EXOC6: variants seen among roughly 807,000 people sequenced by gnomAD.
EXOC6 encodes the protein SEC15-like 1.
EXOC6 carries 60 observed loss-of-function variants against 112.5 expected under a neutral mutation model. The ratio of observed to expected loss-of-function variants is 0.53; its 90% CI spans 0.43 to 0.66. EXOC6 has a LOEUF of 0.66. Ranked by LOEUF, EXOC6 falls within the 30% of genes least tolerant of loss-of-function variation. EXOC6 has a pLI of 0.00. For synonymous variants in EXOC6, 295 were observed against 308.0 expected, an observed-to-expected ratio of 0.96 and a Z score of 0.44; for missense variants, 855 against 957.1, an observed-to-expected ratio of 0.89 and a Z score of 1.41.
At chr10:92,843,813 C>T (rs1004927671), upstream of EXOC6, among the ~76,000 whole-genome samples, 2 of 151,716 alleles carry the variant, frequency 1.3e-5, no homozygotes, top group Admixed American at 1.3e-4. Context: ...GATGGTGAAA[C>T]CCTGTCTCTA....
At chr10:92,833,872 C>T (rs540661595), upstream of EXOC6, among the ~76,000 whole-genome samples, 1 of 151,880 alleles carries the variant, frequency 6.6e-6, no homozygotes, top group African/African-American at 2.4e-5. Context: ...TTGTAGGGCA[C>T]ATTTTCCTTT....
chr10:93,006,745 G>A (rs1247520244), intron 19 of EXOC6, among the ~76,000 whole-genome samples: 1 of 152,114 alleles, frequency 6.6e-6, no homozygotes, highest in Non-Finnish European at 1.5e-5. Context: ...GTTCTTACTA[G>A]CTACTTTAAT....
intron 20 of EXOC6, among the ~76,000 whole-genome samples, chr10:93,025,299 G>A (rs1236197526): frequency 6.6e-6 from 1 of 152,068 alleles, no homozygotes; most frequent in Non-Finnish European, 1.5e-5. Flanking sequence ...TGTGCTTTGG[G>A]GCTGTTAAGA....
chr10:92,931,296 G>A (rs974747238), intron 9 of EXOC6, among the ~76,000 whole-genome samples: 3 of 151,086 alleles, frequency 2.0e-5, no homozygotes, highest in African/African-American at 7.3e-5. Context: ...TTTTTTTAGT[G>A]TAGTACTGAG....
chr10:93,052,160 ACCTGG>A (rs1175564432), intron 20 of EXOC6, among the ~76,000 whole-genome samples: 20 of 152,360 alleles, frequency 1.3e-4, no homozygotes, highest in South Asian at 6.2e-4. Flanking sequence ...GGAAAAAATG[ACCTGG>A]CACTGTGGGT....
chr10:92,994,330 T>G (rs1221730347), intron 18 of EXOC6, among the ~76,000 whole-genome samples: 1 of 152,188 alleles, frequency 6.6e-6, no homozygotes, highest in Admixed American at 6.5e-5. Context: ...GAAGAAAAGC[T>G]TTTCGGTAAT....
chr10:92,963,166 A>G (rs915778085), intron 17 of EXOC6, among the ~76,000 whole-genome samples: 3 of 152,220 alleles, frequency 2.0e-5, no homozygotes, highest in African/African-American at 7.2e-5. Flanking sequence ...GTTAATAAGG[A>G]TGCTTATTTT....
chr10:92,938,820 A>G (rs1390940800), intron 12 of EXOC6, among the ~76,000 whole-genome samples: 1 of 152,148 alleles, frequency 6.6e-6, no homozygotes, highest in Non-Finnish European at 1.5e-5. Context: ...TAATGCAGCA[A>G]GCAATATGTT....
intron 18 of EXOC6, among the ~76,000 whole-genome samples, chr10:92,983,214 T>C (rs1174925555): frequency 6.6e-6 from 1 of 152,228 alleles, no homozygotes; most frequent in Non-Finnish European, 1.5e-5. Context: ...TCTGTTTTGC[T>C]TTCATTCCAG....
chr10:92,925,972 A>C (rs1851692263), intron 8 of EXOC6, among the ~76,000 whole-genome samples: 1 of 151,858 alleles, frequency 6.6e-6, no homozygotes, highest in South Asian at 2.1e-4. Context: ...CTTGAGAGAC[A>C]CTTAGTACAA....
intron 1 of EXOC6, among the ~76,000 whole-genome samples, chr10:92,863,402 A>G (rs1166506531): frequency 2.6e-5 from 4 of 152,162 alleles, no homozygotes; most frequent in Non-Finnish European, 5.9e-5. Flanking sequence ...CTTGCATTTC[A>G]TTTTTTGTAA....
intron 5 of EXOC6, among the ~76,000 whole-genome samples, chr10:92,904,765 A>T (rs1400704577): frequency 6.6e-6 from 1 of 151,950 alleles, no homozygotes; most frequent in East Asian, 1.9e-4. Context: ...GTTTTTAAAG[A>T]GTAGGAAGTT....
In EXOC6 at chr10:92,988,839, A is replaced by ACACACACG. The variant is rs939938926; in HGVS notation, c.1954-8634_1954-8633insACACACGC. Among the ~76,000 whole-genome samples the ACACACACG allele has an allele frequency of 1.0e-3, 147 of 145,434 alleles. 1 individual carries two copies. Among genetic ancestry groups the ACACACACG allele is most frequent in the Middle Eastern group, 3.5e-3 (1 of 282 alleles). ...CACACACACACACACACACACACAC[A>ACACACACG]CGCATTTCTGACCATTACTAAACAT... On this transcript the variant is annotated intron_variant, in intron 18 of 21. Transcript: ENST00000260762.
chr10:92,936,169 G>A (rs1324358892), intron 12 of EXOC6, among the ~76,000 whole-genome samples: 1 of 152,124 alleles, frequency 6.6e-6, no homozygotes. Context: ...AGAGTATAAT[G>A]GAAGGAACCG....
chr10:93,022,755 C>T (rs1247156295), intron 20 of EXOC6, among the ~76,000 whole-genome samples: 1 of 151,636 alleles, frequency 6.6e-6, no homozygotes, highest in Non-Finnish European at 1.5e-5. Flanking sequence ...TAAAACTGGT[C>T]TTGAAAAGTG....
intron 19 of EXOC6, among the ~76,000 whole-genome samples, chr10:93,005,346 A>G (rs1843929378): frequency 6.6e-6 from 1 of 152,174 alleles, no homozygotes; most frequent in Non-Finnish European, 1.5e-5. Flanking sequence ...CTTTGATCTT[A>G]GTATAAATTT....
At chr10:93,042,933 T>G (rs201982048) in intron 20 of EXOC6, among the ~76,000 whole-genome samples, 1 of 54,332 alleles carries the variant, frequency 1.8e-5, no homozygotes, top group Non-Finnish European at 3.0e-5. Flanking sequence ...TTACTATTAT[T>G]ATTATTATTA....
chr10:92,901,408 C>G (rs1245662439), intron 5 of EXOC6: 1 of 151,874 alleles, frequency 6.6e-6, no homozygotes, highest in East Asian at 1.9e-4. Context: ...TATTCCCCAC[C>G]ACCACCTTTT....
intron 20 of EXOC6, among the ~76,000 whole-genome samples, chr10:93,051,109 G>A (rs1158097622): frequency 1.3e-5 from 2 of 150,638 alleles, no homozygotes; most frequent in Non-Finnish European, 2.9e-5. Context: ...AAATATGGAT[G>A]TGTGTAAATC....
Sources: allele counts gnomAD v4.1 joint callset (sites outside exome capture counted in the v4.1 genomes callset), GRCh38; gene constraint gnomAD v4.1.1; transcripts MANE v1.5; gene names NCBI Gene and HGNC (gene_info 2026-07-23, HGNC 2026-07-21).